GNAI1: variants seen among roughly 807,000 people sequenced by gnomAD.
The protein encoded by GNAI1 is G protein subunit alpha i1.
GNAI1 carries 11 observed loss-of-function variants against 38.9 expected under a neutral mutation model. The ratio of observed to expected loss-of-function variants is 0.28; its 90% CI spans 0.18 to 0.47. The LOEUF is 0.47. Among genes scored for constraint, GNAI1 ranks in the 20% least tolerant of loss-of-function variants. The probability of loss-of-function intolerance (pLI) is 0.99; values close to 1 mark genes in which losing one functional copy is unlikely to be tolerated. For synonymous variants in GNAI1, 166 were observed against 145.1 expected, an observed-to-expected ratio of 1.14 and a Z score of -1.04; for missense variants, 317 against 436.9, an observed-to-expected ratio of 0.73 and a Z score of 2.45.
intron 1 of GNAI1, among the ~76,000 whole-genome samples, chr7:80,173,754 T>C (rs1309712557): frequency 6.6e-6 from 1 of 152,192 alleles, no homozygotes; most frequent in African/African-American, 2.4e-5. Context: ...CTATAACTCA[T>C]AGCTTGCTTG....
chr7:80,221,765 C>T lies in GNAI1; in HGVS notation c.*4272C>T, dbSNP rs569311236. Among the ~76,000 whole-genome samples, 240 of 150,316 alleles carry T rather than the reference C, an allele frequency of 1.6e-3. 1 individual carries two copies. The highest frequency in any genetic ancestry group is 3.3e-3 in the Admixed American group (49 of 14,934). The stretch of plus-strand genomic sequence containing the variant: ...TCAAGCAATTGTCCTGCCTCAGCCT[C>T]CCGAGTAGCTGGGATTACAGGCATG... On this transcript the variant is annotated 3_prime_UTR_variant, in exon 8 of 8. Transcript: ENST00000649796.
chr7:80,196,289 A>G lies in GNAI1; in HGVS notation c.304-2936A>G, dbSNP rs567819075. Among the ~76,000 whole-genome samples, 41 of 152,096 alleles carry G rather than the reference A, an allele frequency of 2.7e-4. No homozygotes were observed. In the Middle Eastern group the frequency reaches 0.01, roughly 38 times the overall value. On this transcript the variant is annotated intron_variant, in intron 3 of 7. Transcript: ENST00000649796. ...CTACATGCAAGGAATTTTTCTGTCA[A>G]ATAATTGCCTGGCAAATAATCTTTC...
intron 1 of GNAI1, among the ~76,000 whole-genome samples, chr7:80,159,052 T>G (rs1450103449): frequency 6.6e-6 from 1 of 152,220 alleles, no homozygotes. Flanking sequence ...TTGCTGTGTC[T>G]ATCTTGTGGC....
chr7:80,147,413 A>C (rs529154514), intron 1 of GNAI1, among the ~76,000 whole-genome samples: 12 of 150,848 alleles, frequency 8.0e-5, no homozygotes, highest in African/African-American at 2.9e-4. Context: ...TCTTGCTTGT[A>C]CCAAGAAGTG....
chr7:80,212,109 G>T (rs1186608576), intron 6 of GNAI1, among the ~76,000 whole-genome samples: 4 of 152,066 alleles, frequency 2.6e-5, no homozygotes, highest in Non-Finnish European at 5.9e-5. Flanking sequence ...AGAGACGATT[G>T]TATTTTTAAA....
At chr7:80,185,829 C>T (rs149084930) in intron 1 of GNAI1, among the ~76,000 whole-genome samples, 5 of 152,258 alleles carry the variant, frequency 3.3e-5, no homozygotes, top group African/African-American at 1.2e-4. Context: ...TGTTGAAACC[C>T]TAACCACGTG....
intron 3 of GNAI1, among the ~76,000 whole-genome samples, chr7:80,192,271 A>T (rs746120134): frequency 1.4e-4 from 21 of 152,062 alleles, no homozygotes; most frequent in Non-Finnish European, 2.2e-4. Context: ...GAATGTTTGT[A>T]GTTTTATTTT....
chr7:80,180,324 TGTGTGTG>T (rs1022579151), intron 1 of GNAI1, among the ~76,000 whole-genome samples: 1 of 2,796 alleles, frequency 3.6e-4, no homozygotes, highest in Admixed American at 6.8e-3. Context: ...TCTTATAAAG[TGTGTGTG>T]TGTGTGTGTG....
chr7:80,183,560 C>T (rs1385369611), intron 1 of GNAI1, among the ~76,000 whole-genome samples: 1 of 151,970 alleles, frequency 6.6e-6, no homozygotes, highest in African/African-American at 2.4e-5. Context: ...GTTGGACACC[C>T]TCCATCCTTG....
At chr7:80,206,674 T>C (rs1395266757) in intron 5 of GNAI1, among the ~76,000 whole-genome samples, 2 of 152,002 alleles carry the variant, frequency 1.3e-5, no homozygotes, top group Non-Finnish European at 2.9e-5. Flanking sequence ...TAAATTATGT[T>C]CAGGTAATGG....
At chr7:80,179,628 C>T (rs935929607) in intron 1 of GNAI1, among the ~76,000 whole-genome samples, 18 of 152,284 alleles carry the variant, frequency 1.2e-4, no homozygotes, top group South Asian at 4.1e-4. Context: ...CTGAGACTTT[C>T]CCCTACGTAC....
In GNAI1 at chr7:80,224,575, T is replaced by C. The variant is rs768960032; in HGVS notation, c.*7082T>C. 5.3e-5 allele frequency among the ~76,000 whole-genome samples: 8 copies of C among 152,248 alleles called. No homozygotes were observed. Among genetic ancestry groups the C allele is most frequent in the Admixed American group, 1.3e-4 (2 of 15,286 alleles). On this transcript the variant is annotated 3_prime_UTR_variant, in exon 8 of 8. Transcript: ENST00000649796. ...GTGTAGTGCAGCATGTCCAACAGCATTGCCTGAACAGATGTTAATAAGTAT... is the reference window on the plus strand; with the variant it reads ...GTGTAGTGCAGCATGTCCAACAGCACTGCCTGAACAGATGTTAATAAGTAT...
intron 1 of GNAI1, among the ~76,000 whole-genome samples, chr7:80,152,791 C>T (rs1277781824): frequency 6.7e-6 from 1 of 149,826 alleles, no homozygotes; most frequent in East Asian, 1.9e-4. Flanking sequence ...TCTCGATCTC[C>T]TGATCTCCTG....
chr7:80,188,275 T>C (rs907242882), intron 1 of GNAI1, among the ~76,000 whole-genome samples: 4 of 152,142 alleles, frequency 2.6e-5, no homozygotes, highest in Non-Finnish European at 5.9e-5. Flanking sequence ...GAGCCACAGG[T>C]TAAAATTAAG....
At chr7:80,152,804 C>T (rs1054298169) in intron 1 of GNAI1, among the ~76,000 whole-genome samples, 8 of 151,912 alleles carry the variant, frequency 5.3e-5, no homozygotes, top group South Asian at 2.1e-4. Flanking sequence ...ATCTCCTGAC[C>T]TCCTGATATG....
chr7:80,167,210 C>T (rs542478471), intron 1 of GNAI1, among the ~76,000 whole-genome samples: 36 of 152,302 alleles, frequency 2.4e-4, no homozygotes, highest in Non-Finnish European at 3.7e-4. Context: ...CATCCAGACT[C>T]GAACACTGCA....
chr7:80,218,937 T>G lies in GNAI1; in HGVS notation c.*1444T>G, dbSNP rs1789023107. The G allele has an allele frequency of 6.6e-6, 1 of 152,312 alleles. No homozygotes were observed. Among genetic ancestry groups the G allele is most frequent in the African/African-American group, 2.4e-5 (1 of 41,420 alleles). 9.4% of individuals were successfully genotyped at this position (152,312 alleles called of 1,614,324 possible). On this transcript the variant is annotated 3_prime_UTR_variant, in exon 8 of 8. Coordinates refer to ENST00000649796, the MANE Select transcript of GNAI1 (RefSeq NM_002069.6). ...AGCACTCCCCACCCCACCCTCCTTT[T>G]TTTACTCATCTTGGAAAAGGTTAGT...
intron 1 of GNAI1, among the ~76,000 whole-genome samples, chr7:80,160,867 A>G (rs1421386824): frequency 6.6e-6 from 1 of 151,328 alleles, no homozygotes; most frequent in African/African-American, 2.4e-5. Context: ...AATTTTTAGA[A>G]AAAAAAATGT....
chr7:80,192,218 G>A (rs991349731), intron 3 of GNAI1, among the ~76,000 whole-genome samples: 2 of 152,046 alleles, frequency 1.3e-5, no homozygotes, highest in South Asian at 4.1e-4. Context: ...TATTAGAATG[G>A]CATTCTTCAC....
Sources: gnomAD v4.1 joint callset for allele counts (sites outside exome capture counted in the v4.1 genomes callset) on GRCh38, gnomAD v4.1.1 for gene constraint, MANE v1.5 for transcripts, NCBI Gene and HGNC (gene_info 2026-07-23, HGNC 2026-07-21) for gene names.